Variants in RGS7 observed in about 807,000 individuals in gnomAD.
RGS7 encodes the protein regulator of G protein signaling 7.
In RGS7, 27 loss-of-function variants were observed where a neutral mutation model predicts 81.1. The observed-to-expected ratio is 0.33, with a 90% CI of 0.25 to 0.46. RGS7 has a LOEUF of 0.46. Ranked by LOEUF, RGS7 falls within the 20% of genes least tolerant of loss-of-function variation. RGS7 has a pLI of 1.00. For missense variants in RGS7, 396 were observed against 607.4 expected (o/e 0.65, Z 3.66); for synonymous variants, 208 against 207.7 (o/e 1.00, Z -0.01).
intron 2 of RGS7, among the ~76,000 whole-genome samples, chr1:241,156,157 GA>G (rs2069124028): frequency 6.6e-6 from 1 of 151,294 alleles, no homozygotes; most frequent in Non-Finnish European, 1.5e-5. Flanking sequence ...TAGATAGATA[GA>G]TAGATAGATA....
intron 4 of RGS7, among the ~76,000 whole-genome samples, chr1:240,969,622 A>T (rs764416033): frequency 2.0e-5 from 3 of 152,222 alleles, no homozygotes; most frequent in Non-Finnish European, 4.4e-5. Context: ...ATATATATTT[A>T]AAAAACCAAT....
intron 5 of RGS7, among the ~76,000 whole-genome samples, 183 bp from the exon 6 acceptor site, chr1:240,930,951 T>C (rs1675342046): frequency 6.6e-6 from 1 of 152,220 alleles, no homozygotes; most frequent in Non-Finnish European, 1.5e-5. Flanking sequence ...TGCTGACCAA[T>C]TGCTCAGCTT....
intron 2 of RGS7, among the ~76,000 whole-genome samples, chr1:241,182,957 T>TC (rs1376984539): frequency 6.7e-6 from 1 of 149,326 alleles, no homozygotes; most frequent in Non-Finnish European, 1.5e-5. Context: ...TTTTTTTTTT[T>TC]CTTAAAGAAA....
At chr1:241,063,521 C>A (rs1255389149) in intron 3 of RGS7, among the ~76,000 whole-genome samples, 1 of 152,178 alleles carries the variant, frequency 6.6e-6, no homozygotes, top group African/African-American at 2.4e-5. Flanking sequence ...CAATAGGCCC[C>A]AGAGCAGCTA....
intron 4 of RGS7, among the ~76,000 whole-genome samples, chr1:240,976,702 T>A (rs1445526784): frequency 1.3e-5 from 2 of 152,022 alleles, no homozygotes; most frequent in Non-Finnish European, 2.9e-5. Context: ...TTCTCAAAAT[T>A]GTGTGAGCAA....
intron 18 of RGS7, among the ~76,000 whole-genome samples, chr1:240,783,239 A>T (rs1289635730): frequency 6.6e-6 from 1 of 152,152 alleles, no homozygotes; most frequent in African/African-American, 2.4e-5. Flanking sequence ...TAGGGACAAC[A>T]CTCTCAAAAC....
chr1:240,916,137 A>C (rs1672572383), intron 6 of RGS7, among the ~76,000 whole-genome samples: 1 of 148,906 alleles, frequency 6.7e-6, no homozygotes, highest in Admixed American at 6.7e-5. Flanking sequence ...AAAAATTAGC[A>C]CATGGTGGCT....
chr1:240,783,177 AC>A (rs1451118131), intron 18 of RGS7, among the ~76,000 whole-genome samples: 1 of 152,158 alleles, frequency 6.6e-6, no homozygotes, highest in African/African-American at 2.4e-5. Flanking sequence ...CTTCCCCTCA[AC>A]CAAACCAATT....
intron 2 of RGS7, among the ~76,000 whole-genome samples, chr1:241,295,259 G>A (rs559293679): frequency 1.5e-4 from 22 of 151,290 alleles, no homozygotes; most frequent in African/African-American, 4.8e-4. Context: ...CCAGCCTGAC[G>A]AACATGATGA....
At chr1:241,233,347 T>C (rs1033616929) in intron 2 of RGS7, among the ~76,000 whole-genome samples, 1 of 152,236 alleles carries the variant, frequency 6.6e-6, no homozygotes, top group Non-Finnish European at 1.5e-5. Flanking sequence ...TCAAGCTGTG[T>C]ATCTGTACCC....
chr1:241,057,876 T>A (rs1292984163), intron 3 of RGS7, among the ~76,000 whole-genome samples: 1 of 152,130 alleles, frequency 6.6e-6, no homozygotes, highest in Admixed American at 6.6e-5. Context: ...ATAGTAATAA[T>A]AATTTAAAAA....
intron 3 of RGS7, among the ~76,000 whole-genome samples, chr1:241,092,896 A>T (rs2063985793): frequency 6.6e-6 from 1 of 152,148 alleles, no homozygotes; most frequent in Non-Finnish European, 1.5e-5. Context: ...AGAAAGGCAG[A>T]TATGTCAGGG....
rs1447525198 is a variant in RGS7, at chr1:240,781,400, G to A, written c.*7-5187C>T. ...GCTGGCGGATCACCTGAGGTCAGGA[G>A]TTCGAGACCAGTCTGGCCAACATGG... On this transcript the variant is annotated intron_variant, in intron 18 of 18. Transcript: ENST00000440928. Among the ~76,000 whole-genome samples the A allele has an allele frequency of 3.9e-5, 6 of 152,306 alleles. No homozygotes were observed. In the East Asian group the frequency reaches 1.2e-3, roughly 30 times the overall value.
chr1:241,323,789 T>G (rs1258442929), intron 2 of RGS7, among the ~76,000 whole-genome samples: 4 of 151,924 alleles, frequency 2.6e-5, no homozygotes, highest in African/African-American at 9.7e-5. Flanking sequence ...GCAACCCAAC[T>G]CCAATTCCAC....
intron 4 of RGS7, among the ~76,000 whole-genome samples, chr1:240,961,911 C>A (rs12093882): frequency 0.047 from 7,047 of 151,194 alleles, 372 homozygotes; most frequent in African/African-American, 0.13. Flanking sequence ...GGGAAGAAGG[C>A]AGAGAGGAAG....
At chr1:240,999,811 C>T (rs1242526796) in intron 3 of RGS7, among the ~76,000 whole-genome samples, 1 of 152,072 alleles carries the variant, frequency 6.6e-6, no homozygotes, top group African/African-American at 2.4e-5. Context: ...CCATGTCGGC[C>T]AGGCTGTTCC....
intron 2 of RGS7, among the ~76,000 whole-genome samples, chr1:241,258,680 C>A (rs2077161572): frequency 6.6e-6 from 1 of 152,066 alleles, no homozygotes; most frequent in Non-Finnish European, 1.5e-5. Context: ...GAACAGACAC[C>A]CTTGCAGGTT....
chr1:241,006,634 C>T (rs910177998), intron 3 of RGS7, among the ~76,000 whole-genome samples: 10 of 152,136 alleles, frequency 6.6e-5, no homozygotes, highest in South Asian at 2.1e-4. Context: ...GGATAGAAAA[C>T]GTTGAAACTA....
intron 2 of RGS7, among the ~76,000 whole-genome samples, chr1:241,186,807 G>A (rs901851683): frequency 1.7e-4 from 26 of 151,942 alleles, no homozygotes; most frequent in Non-Finnish European, 1.3e-4. Flanking sequence ...GATTACAGGC[G>A]TGAGCCACCG....
Sources: gnomAD v4.1 joint callset for allele counts (sites outside exome capture counted in the v4.1 genomes callset) on GRCh38, gnomAD v4.1.1 for gene constraint, MANE v1.5 for transcripts, NCBI Gene and HGNC (gene_info 2026-07-23, HGNC 2026-07-21) for gene names.